Variants in CNGB1 observed in about 807,000 individuals in gnomAD.
CNGB1 encodes the protein cyclic nucleotide-gated channel beta-1.
In CNGB1, 126 loss-of-function variants were observed where a neutral mutation model predicts 151.7. The ratio of observed to expected loss-of-function variants is 0.83; its 90% CI spans 0.72 to 0.96. CNGB1 has a LOEUF of 0.96. Ranked by LOEUF, CNGB1 falls within the 40% of genes least tolerant of loss-of-function variation. The pLI is 0.00. For synonymous variants in CNGB1, 623 were observed against 635.1 expected (o/e 0.98, Z 0.29); for missense variants, 1,698 against 1,627.0 (o/e 1.04, Z -0.75).
intron 3 of CNGB1, 141 bp from the exon 4 acceptor site, chr16:57,964,343 C>T: frequency 7.3e-7 from 1 of 1,362,524 alleles, no homozygotes; most frequent in East Asian, 2.3e-5. Context: ...CAACTGAAGT[C>T]TCTGGGAGCC....
intron 1 of CNGB1, among the ~76,000 whole-genome samples, chr16:57,970,777 G>A (rs1441095630): frequency 2.6e-5 from 4 of 152,234 alleles, no homozygotes; most frequent in African/African-American, 7.2e-5. Context: ...GTGGCAGCTC[G>A]GGGAGCCATG....
intron 14 of CNGB1, among the ~76,000 whole-genome samples, chr16:57,941,929 A>G (rs1468287613): frequency 6.6e-6 from 1 of 151,954 alleles, no homozygotes; most frequent in Non-Finnish European, 1.5e-5. Flanking sequence ...ATGGCTCACT[A>G]CAGCCTCAAC....
intron 29 of CNGB1, among the ~76,000 whole-genome samples, chr16:57,899,256 C>T (rs976615729): frequency 6.6e-6 from 1 of 152,176 alleles, no homozygotes; most frequent in Admixed American, 6.5e-5. Context: ...CATGCCTTCA[C>T]CGGCCCTTGT....
chr16:57,961,354 C>G (rs1270716235), intron 7 of CNGB1, among the ~76,000 whole-genome samples: 3 of 152,224 alleles, frequency 2.0e-5, no homozygotes, highest in Non-Finnish European at 4.4e-5. Flanking sequence ...TTTAAGGGGC[C>G]TGCATTTGCA....
At chr16:57,942,120 G>A (rs1961685200) in intron 14 of CNGB1, among the ~76,000 whole-genome samples, 1 of 152,158 alleles carries the variant, frequency 6.6e-6, no homozygotes, top group Non-Finnish European at 1.5e-5. Context: ...GGGCTCAAGT[G>A]ATCCTCCCAC....
chr16:57,912,789 ATG>A (rs1232839005), intron 24 of CNGB1, 139 bp downstream of exon 24: 2 of 796,422 alleles, frequency 2.5e-6, no homozygotes, highest in Non-Finnish European at 4.1e-6. Flanking sequence ...GTGTGCATGT[ATG>A]TGTGTATGTT....
chr16:57,894,343 G>A (rs143484862), intron 31 of CNGB1, among the ~76,000 whole-genome samples: 1 of 152,350 alleles, frequency 6.6e-6, no homozygotes, highest in Non-Finnish European at 1.5e-5. Flanking sequence ...GCTCACACCT[G>A]TAATCCCAGA....
At chr16:57,960,633 G>T in intron 8 of CNGB1, 103 bp from the exon 9 acceptor site, 2 of 1,466,898 alleles carry the variant, frequency 1.4e-6, no homozygotes, top group Non-Finnish European at 1.9e-6. Context: ...GGTGAGCCGG[G>T]GATGGGGGTG....
chr16:57,890,469 T>C (rs1211841618), intron 31 of CNGB1, among the ~76,000 whole-genome samples: 2 of 152,358 alleles, frequency 1.3e-5, no homozygotes, highest in Admixed American at 1.3e-4. Context: ...ACAAAATAAC[T>C]ATGTATAGGA....
rs548492175 is a variant in CNGB1, at chr16:57,942,173, C to G, written c.1122-1852G>C. Among the ~76,000 whole-genome samples the G allele has an allele frequency of 2.0e-5, 3 of 152,146 alleles. No individual in the cohort carries two copies. The South Asian group carries it at 6.2e-4, about 32-fold the overall frequency. The stretch of plus-strand genomic sequence containing the variant: ...CTAGGATTATAGGTGTGACCCACCA[C>G]GCCTGGCCCACTCTCACCACTTCTA... On this transcript the variant is annotated intron_variant, in intron 14 of 32. Transcript: ENST00000251102.
Position 57,911,746 on chromosome 16 carries a change from G to A in CNGB1, c.2492+7C>T. The A allele has an allele frequency of 6.2e-7, 1 of 1,613,784 alleles. No homozygotes were observed. The highest frequency in any genetic ancestry group is 8.5e-7 in the Non-Finnish European group (1 of 1,179,806). On this transcript the variant is annotated splice_region_variant and intron_variant, in intron 25 of 32. Transcript: ENST00000251102. The stretch of plus-strand genomic sequence containing the variant: ...GGCATGGCCCCAGGGGGAGGACTGT[G>A]GCTCACCTGTTTCCCACGCCATCGT...
rs145479019 is a variant in CNGB1, at chr16:57,936,295, T to C, written c.1372+3135A>G. 1.6e-3 allele frequency among the ~76,000 whole-genome samples: 239 copies of C among 152,276 alleles called. 1 individual carries two copies. The highest frequency in any genetic ancestry group is 4.6e-3 in the African/African-American group (190 of 41,554). On this transcript the variant is annotated intron_variant, in intron 16 of 32. Coordinates refer to ENST00000251102, the MANE Select transcript of CNGB1 (RefSeq NM_001297.5). ...CTGAGCAGCAAACTGTCAAGGTCAG[T>C]GGGTTCTGTCTGCAATCAGCACCCA...
At chr16:57,930,781 T>C (rs1329542968) in intron 17 of CNGB1, among the ~76,000 whole-genome samples, 4 of 152,140 alleles carry the variant, frequency 2.6e-5, no homozygotes, top group African/African-American at 4.8e-5. Flanking sequence ...ATTCCACATA[T>C]ATGAGATATC....
chr16:57,921,643 C>T lies in CNGB1; in HGVS notation c.1644-1099G>A, dbSNP rs537871656. ...GATATAGCCACCCAGCCAGGGATCA[C>T]GTGCCAGGCTCTCGCTATTGGAATG... On this transcript the variant is annotated intron_variant, in intron 18 of 32. Coordinates refer to ENST00000251102, the MANE Select transcript of CNGB1 (RefSeq NM_001297.5). Among the ~76,000 whole-genome samples the T allele has an allele frequency of 1.2e-4, 19 of 152,270 alleles. No homozygotes were observed. In the South Asian group the frequency reaches 2.1e-3, roughly 17 times the overall value.
intron 16 of CNGB1, among the ~76,000 whole-genome samples, chr16:57,937,575 C>T (rs1961547041): frequency 6.6e-6 from 1 of 152,186 alleles, no homozygotes; most frequent in South Asian, 2.1e-4. Context: ...CCCCCAACTT[C>T]CCATGCTCCC....
chr16:57,970,797 C>A (rs943963985), intron 1 of CNGB1, among the ~76,000 whole-genome samples: 6 of 152,102 alleles, frequency 3.9e-5, no homozygotes, highest in African/African-American at 1.4e-4. Flanking sequence ...GGTGTTGCAC[C>A]ACCAGCATTT....
chr16:57,964,181 G>T lies in CNGB1; in HGVS notation c.239C>A (p.Thr80Asn), dbSNP rs1452277021. 1 of 1,614,072 alleles carries T rather than the reference G, an allele frequency of 6.2e-7. No homozygotes were observed. Among genetic ancestry groups the T allele is most frequent in the African/African-American group, 1.3e-5 (1 of 74,942 alleles). Residue 80 changes from threonine to asparagine, a missense_variant, in exon 4 of 33, where the codon ACT (threonine) becomes AAT (asparagine). Physicochemically the swap from Thr to Asn is moderately conservative, Grantham distance 65. Transcript: ENST00000251102. ...CTGGGCCCGGAGGGATATGGTGGAA[G>T]TAAGGGCAGCCTCCTTGGTCTCTGG... ...SPQETKEAAL[T>N]STISLRAQGA...
chr16:57,924,418 A>G (rs954067196), intron 17 of CNGB1, among the ~76,000 whole-genome samples: 9 of 152,212 alleles, frequency 5.9e-5, no homozygotes. Flanking sequence ...GCCCAGGCCA[A>G]TATCTACCAA....
chr16:57,906,752 G>A (rs187475084), intron 25 of CNGB1, among the ~76,000 whole-genome samples: 10 of 152,318 alleles, frequency 6.6e-5, no homozygotes, highest in Admixed American at 3.3e-4. Flanking sequence ...ACATAGGCGC[G>A]ATGTCCACAA....
Sources: gnomAD v4.1 joint callset for allele counts (sites outside exome capture counted in the v4.1 genomes callset) on GRCh38, gnomAD v4.1.1 for gene constraint, MANE v1.5 for transcripts, NCBI Gene and HGNC (gene_info 2026-07-23, HGNC 2026-07-21) for gene names.